Variants in METTL24 observed in about 807,000 individuals in gnomAD.
METTL24 encodes methyltransferase like 24.
In METTL24, 29 loss-of-function variants were observed where a neutral mutation model predicts 32.7. The ratio of observed to expected loss-of-function variants is 0.89; its 90% CI spans 0.66 to 1.21. The LOEUF (loss-of-function observed/expected upper bound fraction) is 1.21, where lower values mean the gene tolerates loss of function less well. Among genes scored for constraint, METTL24 ranks in the 50% most tolerant of loss-of-function variants. The probability of loss-of-function intolerance (pLI) is 0.00; values close to 1 mark genes in which losing one functional copy is unlikely to be tolerated. For missense variants in METTL24, 439 were observed against 468.1 expected (o/e 0.94, Z 0.57); for synonymous variants, 163 against 179.5 (o/e 0.91, Z 0.73).
intron 1 of METTL24, among the ~76,000 whole-genome samples, chr6:110,338,221 G>T: frequency 6.6e-6 from 1 of 152,326 alleles, no homozygotes; most frequent in East Asian, 1.9e-4. Flanking sequence ...TGTTGGCTGG[G>T]TGTGGTGGCT....
In METTL24 at chr6:110,311,476, T is replaced by TG. The variant is rs200482011; in HGVS notation, c.557+3865_557+3866insC. On this transcript the variant is annotated intron_variant, in intron 3 of 4. Coordinates refer to ENST00000338882, the MANE Select transcript of METTL24 (RefSeq NM_001123364.3). ...TTTTCTTTTCTTTCTTTGTTTTTTTTTTTTTTTTTTTTTTTGAGACGGAGT... is the reference window on the plus strand; with the variant it reads ...TTTTCTTTTCTTTCTTTGTTTTTTTTGTTTTTTTTTTTTTTTGAGACGGAGT... Among the ~76,000 whole-genome samples, 317 of 136,290 alleles carry TG rather than the reference T, an allele frequency of 2.3e-3. 3 individuals carry two copies. Among genetic ancestry groups the TG allele is most frequent in the African/African-American group, 6.3e-3 (225 of 35,848 alleles). The allele number at this position is 136,290 out of a possible 152,430, so 89.4% of individuals were successfully genotyped here.
intron 1 of METTL24, among the ~76,000 whole-genome samples, chr6:110,350,390 A>T (rs960981744): frequency 3.3e-5 from 5 of 152,146 alleles, no homozygotes; most frequent in African/African-American, 1.2e-4. Flanking sequence ...GCCACTTGCA[A>T]CCCAGAGAGT....
At chr6:110,287,787 T>G (rs1487917970) in intron 4 of METTL24, among the ~76,000 whole-genome samples, 2 of 152,076 alleles carry the variant, frequency 1.3e-5, no homozygotes, top group Non-Finnish European at 2.9e-5. Context: ...GCCTGCTAGG[T>G]ACTTGGAATG....
intron 4 of METTL24, among the ~76,000 whole-genome samples, chr6:110,250,540 C>T (rs570320922): frequency 6.6e-6 from 1 of 151,910 alleles, no homozygotes. Context: ...GGGGGAGACA[C>T]AATTCAACCC....
Position 110,358,343 on chromosome 6 carries a change from G to A in METTL24, c.-71C>T, listed in dbSNP as rs1772744947. On this transcript the variant is annotated 5_prime_UTR_variant, in exon 1 of 5. Coordinates refer to ENST00000338882, the MANE Select transcript of METTL24 (RefSeq NM_001123364.3). ...GGATGTAGCCCCACAGGCCGGAGCG[G>A]CCAACTGTGGGAACTCCCCCGCGGG... 1.7e-6 allele frequency: 2 copies of A among 1,175,558 alleles called. No homozygotes were observed. Among genetic ancestry groups the A allele is most frequent in the South Asian group, 1.8e-5 (1 of 56,476 alleles). The allele number at this position is 1,175,558 out of a possible 1,614,324, so 72.8% of individuals were successfully genotyped here.
At chr6:110,345,734 A>G (rs1212835764) in intron 1 of METTL24, among the ~76,000 whole-genome samples, 2 of 152,214 alleles carry the variant, frequency 1.3e-5, no homozygotes, top group Non-Finnish European at 2.9e-5. Context: ...ATGAAAACTC[A>G]TAGACACAAA....
chr6:110,266,813 G>A (rs1434753831), intron 4 of METTL24, among the ~76,000 whole-genome samples: 3 of 152,184 alleles, frequency 2.0e-5, no homozygotes, highest in African/African-American at 2.4e-5. Context: ...TTTAATGAAA[G>A]CATAGATTAT....
intron 3 of METTL24, among the ~76,000 whole-genome samples, chr6:110,307,940 A>G (rs537819027): frequency 2.9e-4 from 44 of 152,316 alleles, no homozygotes; most frequent in African/African-American, 1.1e-3. Flanking sequence ...GTAACTGCAA[A>G]CTTTTCAACA....
At chr6:110,331,735 G>C (rs964060846) in intron 1 of METTL24, among the ~76,000 whole-genome samples, 3 of 148,868 alleles carry the variant, frequency 2.0e-5, no homozygotes, top group African/African-American at 7.5e-5. Context: ...ATAGCCTAAA[G>C]ATTCAAGAAG....
chr6:110,358,156 C>G lies in METTL24; in HGVS notation c.117G>C (p.Gly39=). The G allele has an allele frequency of 8.4e-7, 1 of 1,196,340 alleles. No homozygotes were observed. Among genetic ancestry groups the G allele is most frequent in the Non-Finnish European group, 1.0e-6 (1 of 966,530 alleles). 74.1% of individuals were successfully genotyped at this position (1,196,340 alleles called of 1,614,324 possible). The part of the protein sequence containing the change: ...LCAELRRAGP[G]SPTRSAPPGP... ...CCGGCGGGGCGCTGCGGGTGGGGGA[C>G]CCGGGCCCGGCGCGCCGCAGCTCTG... Residue 39 remains glycine (G), a synonymous_variant, in exon 1 of 5, where the codon GGG becomes GGC. Coordinates refer to ENST00000338882, the MANE Select transcript of METTL24 (RefSeq NM_001123364.3).
intron 2 of METTL24, among the ~76,000 whole-genome samples, chr6:110,320,206 G>A (rs986942745): frequency 3.9e-5 from 6 of 152,142 alleles, no homozygotes; most frequent in African/African-American, 1.2e-4. Context: ...TAAGAGGATG[G>A]GGGTGGATTT....
In METTL24 at chr6:110,245,369, C is replaced by G. The variant is rs1778135162; in HGVS notation, c.*577G>C. On this transcript the variant is annotated 3_prime_UTR_variant, in exon 5 of 5. Coordinates refer to ENST00000338882, the MANE Select transcript of METTL24 (RefSeq NM_001123364.3). ...GCTCTTGATAGTCTAGTCTCTTTAA[C>G]TCAGTGACAGAATTTGGTGCATCCG... Among the ~76,000 whole-genome samples, 1 of 152,116 alleles carries G rather than the reference C, an allele frequency of 6.6e-6. No homozygotes were observed. Among genetic ancestry groups the G allele is most frequent in the East Asian group, 1.9e-4 (1 of 5,190 alleles).
chr6:110,271,536 G>A (rs1371557234), intron 4 of METTL24, among the ~76,000 whole-genome samples: 1 of 152,026 alleles, frequency 6.6e-6, no homozygotes, highest in Non-Finnish European at 1.5e-5. Flanking sequence ...TTATATTAAT[G>A]GTGAGCTTCT....
Position 110,315,480 on chromosome 6 carries a change from A to T in METTL24, c.419T>A (p.Ile140Asn). The change falls in exon 3 of 5, where the codon ATT becomes AAT. Residue 140 changes from isoleucine to asparagine, a missense_variant and splice_region_variant. Transcript: ENST00000338882. ...RFLRYISTTQ[I>N]ACNHMNTDSL... Reference sequence around the variant, plus strand: ...GTCTGTATTCATGTGATTGCATGCAATCTGTAAAGATTGGAAATCAATGTG... The same window carrying T: ...GTCTGTATTCATGTGATTGCATGCATTCTGTAAAGATTGGAAATCAATGTG... 6.2e-7 allele frequency: 1 copy of T among 1,613,736 alleles called. No homozygotes were observed. The highest frequency in any genetic ancestry group is 8.5e-7 in the Non-Finnish European group (1 of 1,179,892).
chr6:110,350,251 C>T (rs777923043), intron 1 of METTL24, among the ~76,000 whole-genome samples: 28 of 152,182 alleles, frequency 1.8e-4, no homozygotes, highest in Non-Finnish European at 3.1e-4. Context: ...CTAATATGGA[C>T]AACTAAGGTC....
Position 110,315,601 on chromosome 6 carries a change from G to C in METTL24, c.418-120C>G. 3.0e-6 allele frequency: 3 copies of C among 1,010,422 alleles called. No individual in the cohort carries two copies. The South Asian group carries it at 4.7e-5, about 16-fold the overall frequency. The allele number at this position is 1,010,422 out of a possible 1,614,324, so 62.6% of individuals were successfully genotyped here. ...TAGGAAAGTTATAATCTCCTCCACT[G>C]CTAACAACTCCCCTCCCCAGGGAAC... On this transcript the variant is annotated intron_variant, in intron 2 of 4. Transcript: ENST00000338882.
intron 4 of METTL24, among the ~76,000 whole-genome samples, chr6:110,257,468 G>A (rs1778406024): frequency 6.6e-6 from 1 of 151,956 alleles, no homozygotes; most frequent in South Asian, 2.1e-4. Context: ...GCCATATATG[G>A]CTAGTGGCTA....
intron 4 of METTL24, among the ~76,000 whole-genome samples, chr6:110,291,662 A>G (rs1204436324): frequency 6.6e-6 from 1 of 152,146 alleles, no homozygotes; most frequent in Non-Finnish European, 1.5e-5. Flanking sequence ...CCTAAAACCC[A>G]TTAGTTATTT....
At chr6:110,253,739 A>G in intron 4 of METTL24, 1 of 578,314 alleles carries the variant, frequency 1.7e-6, no homozygotes, top group Non-Finnish European at 2.7e-6. Flanking sequence ...CACACAAGAC[A>G]AATTCTAACA....
Sources: allele counts gnomAD v4.1 joint callset (sites outside exome capture counted in the v4.1 genomes callset), GRCh38; gene constraint gnomAD v4.1.1; transcripts MANE v1.5; gene names NCBI Gene and HGNC (gene_info 2026-07-23, HGNC 2026-07-21).